Variants in PLD5 observed in about 807,000 individuals in gnomAD.
The protein encoded by PLD5 is inactive phospholipase D5.
PLD5 carries 36 observed loss-of-function variants against 61.1 expected under a neutral mutation model. The ratio of observed to expected loss-of-function variants is 0.59; its 90% confidence interval spans 0.45 to 0.78. PLD5 has a LOEUF of 0.78. PLD5 is among the 30% of genes least tolerant of loss of function. PLD5 has a pLI of 0.00. For synonymous variants in PLD5, 243 were observed against 242.8 expected (o/e 1.00, Z -0.01); for missense variants, 515 against 644.4 (o/e 0.80, Z 2.17).
chr1:242,356,795 T>G (rs369328645), intron 1 of PLD5, among the ~76,000 whole-genome samples: 1 of 152,132 alleles, frequency 6.6e-6, no homozygotes, highest in South Asian at 2.1e-4. Flanking sequence ...TAACTTTGAT[T>G]ACATGTAACA....
At chr1:242,127,454 G>A (rs1367710863) in intron 5 of PLD5, among the ~76,000 whole-genome samples, 6 of 152,156 alleles carry the variant, frequency 3.9e-5, no homozygotes, top group African/African-American at 1.4e-4. Flanking sequence ...ATATGCATAT[G>A]TTGGAATACT....
intron 1 of PLD5, among the ~76,000 whole-genome samples, chr1:242,431,612 A>C (rs1665725024): frequency 6.6e-6 from 1 of 152,238 alleles, no homozygotes; most frequent in South Asian, 2.1e-4. Context: ...GGAAACAAAT[A>C]CAACAGGAAG....
intron 5 of PLD5, chr1:242,178,004 G>C (rs2148894445): frequency 6.6e-6 from 1 of 152,286 alleles, no homozygotes; most frequent in South Asian, 2.1e-4. Context: ...TCTTGAAATA[G>C]GTGAAATAAG....
At chr1:242,124,059 T>G (rs1013355447) in intron 6 of PLD5, among the ~76,000 whole-genome samples, 10 of 152,184 alleles carry the variant, frequency 6.6e-5, no homozygotes, top group Non-Finnish European at 1.3e-4. Flanking sequence ...AAAACAAGTC[T>G]GAAAAATCAA....
chr1:242,224,401 T>C (rs1376154679), intron 4 of PLD5, among the ~76,000 whole-genome samples: 1 of 152,162 alleles, frequency 6.6e-6, no homozygotes, highest in Non-Finnish European at 1.5e-5. Flanking sequence ...TGCCACAATT[T>C]TATGAGCACT....
At chr1:242,105,812 A>G (rs550782210) in intron 8 of PLD5, among the ~76,000 whole-genome samples, 4 of 144,136 alleles carry the variant, frequency 2.8e-5, no homozygotes, top group African/African-American at 1.0e-4. Flanking sequence ...CATAAACTCT[A>G]TCATTAGAGA....
intron 1 of PLD5, chr1:242,376,871 G>A: frequency 6.6e-7 from 1 of 1,522,960 alleles, no homozygotes; most frequent in East Asian, 2.3e-5. Flanking sequence ...TAACAAAAAT[G>A]TCTTTTTTAT....
At chr1:242,250,597 C>T (rs1025923624) in intron 4 of PLD5, among the ~76,000 whole-genome samples, 1 of 152,158 alleles carries the variant, frequency 6.6e-6, no homozygotes, top group Admixed American at 6.5e-5. Flanking sequence ...CTTAGCTTTG[C>T]TCCAAGTATT....
chr1:242,345,818 T>A, intron 2 of PLD5: 1 of 412,800 alleles, frequency 2.4e-6, no homozygotes, highest in South Asian at 2.9e-5. Flanking sequence ...TACCTCCTCA[T>A]CCTGTGCATT....
intron 1 of PLD5, among the ~76,000 whole-genome samples, chr1:242,390,060 TCCCAGG>T (rs1662837652): frequency 4.3e-5 from 2 of 46,266 alleles, no homozygotes; most frequent in Non-Finnish European, 1.1e-4. Flanking sequence ...TCACTTTGTC[TCCCAGG>T]CTGGAGTGCA....
chr1:242,346,699 T>C (rs1660157938), intron 2 of PLD5, among the ~76,000 whole-genome samples: 1 of 152,156 alleles, frequency 6.6e-6, no homozygotes, highest in African/African-American at 2.4e-5. Flanking sequence ...GTTTGTTACA[T>C]AGGGAAATGT....
chr1:242,404,387 A>T (rs1470320322), intron 1 of PLD5, among the ~76,000 whole-genome samples: 2 of 152,218 alleles, frequency 1.3e-5, no homozygotes, highest in Non-Finnish European at 2.9e-5. Flanking sequence ...AGCATGGCAC[A>T]TCCAAGGTAC....
chr1:242,218,593 G>A (rs1250212180), intron 5 of PLD5, among the ~76,000 whole-genome samples: 2 of 152,178 alleles, frequency 1.3e-5, no homozygotes, highest in Admixed American at 6.5e-5. Flanking sequence ...TGAGTAAAAA[G>A]TTTCTTGATT....
At chr1:242,316,065 G>A (rs945008368) in intron 2 of PLD5, among the ~76,000 whole-genome samples, 3 of 152,134 alleles carry the variant, frequency 2.0e-5, no homozygotes, top group Admixed American at 2.0e-4. Flanking sequence ...GTTTCCTCGT[G>A]TGGAAAAAGG....
intron 6 of PLD5, among the ~76,000 whole-genome samples, chr1:242,124,137 G>C (rs1442561786): frequency 6.6e-6 from 1 of 152,196 alleles, no homozygotes; most frequent in African/African-American, 2.4e-5. Flanking sequence ...TCCGCTCTTA[G>C]CATGTCCCAT....
At chr1:242,489,529 A>C (rs1406948403) in intron 1 of PLD5, among the ~76,000 whole-genome samples, 1 of 152,178 alleles carries the variant, frequency 6.6e-6, no homozygotes. Flanking sequence ...ATAAAACATT[A>C]GCAAAAATAA....
chr1:242,348,077 A>C (rs1428956909), intron 2 of PLD5, 29 bp downstream of exon 2: 1 of 1,609,948 alleles, frequency 6.2e-7, no homozygotes, highest in South Asian at 1.1e-5. Flanking sequence ...CCGCCCCCTA[A>C]AAGAGAATTT....
chr1:242,440,932 T>C (rs1164235023), intron 1 of PLD5, among the ~76,000 whole-genome samples: 2 of 152,210 alleles, frequency 1.3e-5, no homozygotes, highest in East Asian at 1.9e-4. Context: ...GGGTGATTGC[T>C]TAAATTTGCA....
intron 5 of PLD5, among the ~76,000 whole-genome samples, chr1:242,161,095 G>A (rs1417277795): frequency 6.6e-6 from 1 of 151,964 alleles, no homozygotes; most frequent in Admixed American, 6.6e-5. Flanking sequence ...AGATAATTTT[G>A]TGCATTCTAG....
Sources: gnomAD v4.1 joint callset for allele counts (sites outside exome capture counted in the v4.1 genomes callset) on GRCh38, gnomAD v4.1.1 for gene constraint, MANE v1.5 for transcripts, NCBI Gene and HGNC (gene_info 2026-07-23, HGNC 2026-07-21) for gene names.